NKAIN3: variants seen among roughly 807,000 people sequenced by gnomAD.
The protein encoded by NKAIN3 is sodium/potassium-transporting ATPase subunit beta-1-interacting protein 3.
A neutral mutation model predicts 30.2 loss-of-function variants in NKAIN3; 25 were observed. The observed-to-expected ratio is 0.83, with a 90% CI of 0.60 to 1.16. The LOEUF is 1.16. Among genes scored for constraint, NKAIN3 ranks in the 50% most tolerant of loss-of-function variants. The probability of loss-of-function intolerance (pLI) is 0.00; values close to 1 mark genes in which losing one functional copy is unlikely to be tolerated. For missense variants in NKAIN3, 225 were observed against 254.1 expected, an observed-to-expected ratio of 0.89 and a Z score of 0.78; for synonymous variants, 91 against 89.6, an observed-to-expected ratio of 1.02 and a Z score of -0.09.
At position 62,965,950 on chromosome 8, in the gene NKAIN3, G is replaced by A; in HGVS notation, c.*543G>A. ...TCAACAGCATAAAACAAAACATGGA[G>A]TCCTCCTTTGTTCCTGACTTCTTAA... On this transcript the variant is annotated 3_prime_UTR_variant, in exon 7 of 7. Coordinates refer to ENST00000623646, the MANE Select transcript of NKAIN3 (RefSeq NM_001304533.3). The A allele has an allele frequency of 1.0e-6, 1 of 984,648 alleles. No homozygotes were observed. Among genetic ancestry groups the A allele is most frequent in the African/African-American group, 1.7e-5 (1 of 57,350 alleles). The allele number at this position is 984,648 out of a possible 1,614,324, so 61.0% of individuals were successfully genotyped here.
chr8:62,323,121 A>G (rs144589428), intron 1 of NKAIN3, among the ~76,000 whole-genome samples: 2 of 152,304 alleles, frequency 1.3e-5, no homozygotes, highest in Non-Finnish European at 2.9e-5. Context: ...ACAGTTTGGC[A>G]GTTTCTTATA....
chr8:62,530,955 T>C (rs971198670), intron 1 of NKAIN3, among the ~76,000 whole-genome samples: 3 of 152,064 alleles, frequency 2.0e-5, no homozygotes, highest in Non-Finnish European at 4.4e-5. Context: ...CACTTCCTGG[T>C]TTTCAGATTT....
intron 1 of NKAIN3, among the ~76,000 whole-genome samples, chr8:62,290,248 T>C (rs1475625551): frequency 2.0e-5 from 3 of 152,206 alleles, no homozygotes; most frequent in African/African-American, 4.8e-5. Context: ...TTCTCTTGCC[T>C]GATTTCCCTG....
intron 4 of NKAIN3, among the ~76,000 whole-genome samples, chr8:62,865,857 C>T (rs1477029063): frequency 6.6e-6 from 1 of 152,090 alleles, no homozygotes; most frequent in Non-Finnish European, 1.5e-5. Context: ...GAAAAGCTAC[C>T]AAGTCTTGAG....
intron 1 of NKAIN3, among the ~76,000 whole-genome samples, chr8:62,438,743 G>A (rs1319791081): frequency 6.6e-6 from 1 of 151,966 alleles, no homozygotes; most frequent in African/African-American, 2.4e-5. Flanking sequence ...TGTACTTTTT[G>A]GTGGAGATGG....
In NKAIN3 at chr8:62,968,837, T is replaced by C. The variant is rs1332581642; in HGVS notation, c.*3430T>C. ...GGGATGCTTTCGAGCTTACTTTTTC[T>C]TTATTTGAGCTTCTGGTCATGTTTC... On this transcript the variant is annotated 3_prime_UTR_variant, in exon 7 of 7. Transcript: ENST00000623646. 1.3e-5 allele frequency among the ~76,000 whole-genome samples: 2 copies of C among 152,168 alleles called. No individual in the cohort carries two copies. The highest frequency in any genetic ancestry group is 2.9e-5 in the Non-Finnish European group (2 of 68,018).
chr8:62,923,080 T>C (rs1420828964), intron 5 of NKAIN3, among the ~76,000 whole-genome samples: 6 of 152,132 alleles, frequency 3.9e-5, no homozygotes, highest in Admixed American at 3.9e-4. Context: ...GCAAATCACT[T>C]GAGCTCAGCA....
At chr8:62,700,198 T>C (rs1269513405) in intron 3 of NKAIN3, among the ~76,000 whole-genome samples, 3 of 152,198 alleles carry the variant, frequency 2.0e-5, no homozygotes, top group Admixed American at 2.0e-4. Context: ...TATGTCTCTA[T>C]GATGTAAAAA....
At chr8:62,818,419 G>A (rs1264241164) in intron 4 of NKAIN3, among the ~76,000 whole-genome samples, 1 of 152,100 alleles carries the variant, frequency 6.6e-6, no homozygotes, top group Non-Finnish European at 1.5e-5. Context: ...CAAATGATAT[G>A]CCATATAAAG....
At chr8:62,529,189 A>G (rs552904116) in intron 1 of NKAIN3, among the ~76,000 whole-genome samples, 2 of 152,200 alleles carry the variant, frequency 1.3e-5, no homozygotes, top group East Asian at 3.9e-4. Flanking sequence ...TCAAGAAAGC[A>G]AATCAGGATG....
chr8:62,353,576 A>G (rs1158701273), intron 1 of NKAIN3, among the ~76,000 whole-genome samples: 1 of 152,194 alleles, frequency 6.6e-6, no homozygotes, highest in Non-Finnish European at 1.5e-5. Flanking sequence ...ATATAGCACT[A>G]GATTATAGCC....
At chr8:62,270,762 T>C (rs1330781513) in intron 1 of NKAIN3, among the ~76,000 whole-genome samples, 1 of 152,188 alleles carries the variant, frequency 6.6e-6, no homozygotes, top group Non-Finnish European at 1.5e-5. Context: ...CACTCTGTGA[T>C]TCTTTGAGTT....
chr8:62,374,806 G>A (rs1407511570), intron 1 of NKAIN3, among the ~76,000 whole-genome samples: 2 of 152,160 alleles, frequency 1.3e-5, no homozygotes, highest in Non-Finnish European at 2.9e-5. Flanking sequence ...TAATGTTATA[G>A]CATATTATCT....
chr8:62,527,606 T>A (rs1298725211), intron 1 of NKAIN3, among the ~76,000 whole-genome samples: 1 of 152,196 alleles, frequency 6.6e-6, no homozygotes, highest in Non-Finnish European at 1.5e-5. Context: ...CAGTTTACGT[T>A]CCTATATTTG....
In NKAIN3 at chr8:62,786,834, A is replaced by G. The variant is rs184875948; in HGVS notation, c.471+39705A>G. Among the ~76,000 whole-genome samples the G allele has an allele frequency of 1.7e-3, 252 of 152,296 alleles. 1 individual carries two copies. The highest frequency in any genetic ancestry group is 5.9e-3 in the African/African-American group (245 of 41,566). ...TACTTCTTAATATGTTAGAGTCTGG[A>G]CTGTGCTTGGCACATGTGAACAGTT... On this transcript the variant is annotated intron_variant, in intron 4 of 6. Transcript: ENST00000623646.
At chr8:62,878,657 T>C (rs1354219855) in intron 4 of NKAIN3, among the ~76,000 whole-genome samples, 1 of 144,168 alleles carries the variant, frequency 6.9e-6, no homozygotes, top group African/African-American at 2.6e-5. Context: ...TGCTATCATT[T>C]TCCCCTCCCC....
intron 4 of NKAIN3, among the ~76,000 whole-genome samples, chr8:62,754,932 G>T (rs927933713): frequency 1.3e-5 from 2 of 152,184 alleles, no homozygotes; most frequent in African/African-American, 4.8e-5. Context: ...AGGTGAAACT[G>T]AACTTTTGAA....
chr8:62,965,387 C>G lies in NKAIN3; in HGVS notation c.637C>G (p.Arg213Gly). The G allele has an allele frequency of 2.0e-6, 2 of 985,634 alleles. No homozygotes were observed. Among genetic ancestry groups the G allele is most frequent in the Non-Finnish European group, 2.4e-6 (2 of 829,862 alleles). 61.1% of individuals were successfully genotyped at this position (985,634 alleles called of 1,614,324 possible). A position where few individuals can be genotyped will look rare whatever the true frequency, so the allele number is the denominator to read the frequency against. Residue 213 changes from arginine (R) to glycine (G), a missense_variant, in exon 7 of 7, where the codon CGG becomes GGG. Transcript: ENST00000623646. ...EISNDIEPEM[R>G]LLNLT is the part of the protein sequence containing the mutation. ...AAGTAATGACATTGAACCAGAAATG[C>G]GGCTGCTGAACTTGACTTAGGGAGC...
In NKAIN3 at chr8:62,967,302, C is replaced by T. The variant is rs1394093156; in HGVS notation, c.*1895C>T. Among the ~76,000 whole-genome samples the T allele has an allele frequency of 6.6e-6, 1 of 152,138 alleles. No homozygotes were observed. Among genetic ancestry groups the T allele is most frequent in the African/African-American group, 2.4e-5 (1 of 41,428 alleles). On this transcript the variant is annotated 3_prime_UTR_variant, in exon 7 of 7. Coordinates refer to ENST00000623646, the MANE Select transcript of NKAIN3 (RefSeq NM_001304533.3). Reference sequence around the variant, plus strand: ...TTTGGGTCCCATCCACCACCATGTTCTTGGACAGTGTTTGCCATCTCTGCA... The same window carrying T: ...TTTGGGTCCCATCCACCACCATGTTTTTGGACAGTGTTTGCCATCTCTGCA...
Sources: allele counts gnomAD v4.1 joint callset (sites outside exome capture counted in the v4.1 genomes callset), GRCh38; gene constraint gnomAD v4.1.1; transcripts MANE v1.5; gene names NCBI Gene and HGNC (gene_info 2026-07-23, HGNC 2026-07-21).